ADAMTS16: variants seen among roughly 807,000 people sequenced by gnomAD.
The protein encoded by ADAMTS16 is A disintegrin and metalloproteinase with thrombospondin motifs 16.
In ADAMTS16, 94 loss-of-function variants were observed where a neutral mutation model predicts 145.8. That is an observed-to-expected ratio of 0.64 (90% CI 0.55 to 0.77). ADAMTS16 has a LOEUF of 0.77. ADAMTS16 is among the 30% of genes least tolerant of loss of function. ADAMTS16 has a pLI of 0.00. For missense variants in ADAMTS16, 1,585 were observed against 1,591.5 expected (o/e 1.00, Z 0.07); for synonymous variants, 659 against 604.3 (o/e 1.09, Z -1.33).
At chr5:5,235,613 T>G (rs1737083888) in intron 13 of ADAMTS16, among the ~76,000 whole-genome samples, 1 of 152,236 alleles carries the variant, frequency 6.6e-6, no homozygotes, top group Non-Finnish European at 1.5e-5. Flanking sequence ...GGAACAATTT[T>G]GAAGCATAGT....
intron 4 of ADAMTS16, among the ~76,000 whole-genome samples, chr5:5,183,754 C>T (rs756040541): frequency 5.3e-5 from 8 of 152,146 alleles, no homozygotes; most frequent in South Asian, 2.1e-4. Flanking sequence ...CACATCTGCG[C>T]GTGTGTGCAT....
chr5:5,200,928 G>T (rs940415764), intron 9 of ADAMTS16, among the ~76,000 whole-genome samples: 1 of 152,200 alleles, frequency 6.6e-6, no homozygotes, highest in Non-Finnish European at 1.5e-5. Flanking sequence ...AAATTTCAGA[G>T]AAATGAGGAA....
At chr5:5,193,588 G>A (rs192304655) in intron 8 of ADAMTS16, among the ~76,000 whole-genome samples, 26 of 152,312 alleles carry the variant, frequency 1.7e-4, no homozygotes, top group Non-Finnish European at 2.4e-4. Flanking sequence ...AGTGCCAGCC[G>A]TTGCAGGTGG....
At chr5:5,198,905 T>C (rs1007005905) in intron 8 of ADAMTS16, among the ~76,000 whole-genome samples, 1 of 152,180 alleles carries the variant, frequency 6.6e-6, no homozygotes, top group African/African-American at 2.4e-5. Context: ...AACCACCATG[T>C]CCTTCTTTGC....
chr5:5,156,718 G>T (rs1734613739), intron 3 of ADAMTS16, among the ~76,000 whole-genome samples: 1 of 152,148 alleles, frequency 6.6e-6, no homozygotes, highest in Non-Finnish European at 1.5e-5. Flanking sequence ...GACTCATACA[G>T]GTATAAATTA....
intron 9 of ADAMTS16, among the ~76,000 whole-genome samples, chr5:5,205,895 C>G (rs1363460186): frequency 6.6e-6 from 1 of 152,178 alleles, no homozygotes; most frequent in Non-Finnish European, 1.5e-5. Context: ...CACTCTGTGT[C>G]TTGTCTTCTC....
At chr5:5,171,956 G>A (rs554631185) in intron 3 of ADAMTS16, among the ~76,000 whole-genome samples, 1 of 151,986 alleles carries the variant, frequency 6.6e-6, no homozygotes, top group Non-Finnish European at 1.5e-5. Flanking sequence ...TTTGTTATTG[G>A]TCTGTTCAGG....
At chr5:5,304,632 C>T (rs1739951739) in intron 20 of ADAMTS16, among the ~76,000 whole-genome samples, 1 of 152,078 alleles carries the variant, frequency 6.6e-6, no homozygotes, top group Non-Finnish European at 1.5e-5. Flanking sequence ...ACGATGGCTT[C>T]TTTGTTCAGA....
chr5:5,209,492 C>T (rs1261169601), intron 10 of ADAMTS16, among the ~76,000 whole-genome samples: 1 of 152,138 alleles, frequency 6.6e-6, no homozygotes. Flanking sequence ...ATCTTTCTTT[C>T]TGATTTATCG....
chr5:5,180,494 G>A (rs556515191), intron 3 of ADAMTS16, among the ~76,000 whole-genome samples: 153 of 152,324 alleles, frequency 1.0e-3, no homozygotes, highest in African/African-American at 3.2e-3. Context: ...TAAAAAGGAA[G>A]TATAATCTTC....
intron 4 of ADAMTS16, among the ~76,000 whole-genome samples, chr5:5,183,378 G>T (rs1735396703): frequency 6.6e-6 from 1 of 152,232 alleles, no homozygotes; most frequent in South Asian, 2.1e-4. Flanking sequence ...TGACCGGCAG[G>T]TCAGGACCCA....
intron 8 of ADAMTS16, among the ~76,000 whole-genome samples, chr5:5,197,143 A>C (rs1391836187): frequency 6.6e-6 from 1 of 152,224 alleles, no homozygotes; most frequent in Non-Finnish European, 1.5e-5. Context: ...ACATTGGCCC[A>C]TGGTTCCTTT....
At chr5:5,175,364 A>G (rs1031734739) in intron 3 of ADAMTS16, among the ~76,000 whole-genome samples, 1 of 152,212 alleles carries the variant, frequency 6.6e-6, no homozygotes, top group Admixed American at 6.5e-5. Flanking sequence ...TTACTGGGGC[A>G]GAGCTGGTCT....
At chr5:5,221,878 T>C (rs781503119) in intron 10 of ADAMTS16, among the ~76,000 whole-genome samples, 31 of 152,352 alleles carry the variant, frequency 2.0e-4, no homozygotes, top group Non-Finnish European at 4.3e-4. Context: ...TTGCATTTTC[T>C]TCATGACATG....
rs953714027 is a variant in ADAMTS16 at position 5,269,563 on chromosome 5, G to A, written c.2789+6780G>A. Among the ~76,000 whole-genome samples the A allele has an allele frequency of 2.0e-5, 3 of 152,054 alleles. No homozygotes were observed. Among genetic ancestry groups the A allele is most frequent in the Non-Finnish European group, 4.4e-5 (3 of 68,008 alleles). On this transcript the variant is annotated intron_variant, in intron 18 of 22. Transcript: ENST00000274181. The surrounding 1 kb of genome is among the most constrained non-coding windows in gnomAD (Gnocchi z 4.3). ...GAAGCAATGACCAGCCCTTCCTCTTGCCAGAATCTCCCTGTGCCTCCAACC... is the reference window on the plus strand; with the variant it reads ...GAAGCAATGACCAGCCCTTCCTCTTACCAGAATCTCCCTGTGCCTCCAACC...
chr5:5,313,567 G>T (rs1252237838), intron 21 of ADAMTS16, among the ~76,000 whole-genome samples: 1 of 152,176 alleles, frequency 6.6e-6, no homozygotes, highest in Admixed American at 6.5e-5. Context: ...TCAGTGCTGG[G>T]CAGTGTGGGG....
chr5:5,303,249 T>A lies in ADAMTS16; in HGVS notation c.2790-19T>A. ...GTGATGGAGCCATCCCTCACCGAGG[T>A]CTCTTTGTCCCTGCCCAGCTGGTCC... On this transcript the variant is annotated intron_variant, in intron 18 of 22. Coordinates refer to ENST00000274181, the MANE Select transcript of ADAMTS16 (RefSeq NM_139056.4). 6.6e-7 allele frequency: 1 copy of A among 1,523,246 alleles called. No homozygotes were observed. The highest frequency in any genetic ancestry group is 8.8e-7 in the Non-Finnish European group (1 of 1,134,304). The allele number at this position is 1,523,246 out of a possible 1,614,324, so 94.4% of individuals were successfully genotyped here. A position where few individuals can be genotyped will look rare whatever the true frequency, so the allele number is the denominator to read the frequency against.
At chr5:5,175,532 G>A (rs563706317) in intron 3 of ADAMTS16, among the ~76,000 whole-genome samples, 39 of 152,250 alleles carry the variant, frequency 2.6e-4, no homozygotes, top group Non-Finnish European at 4.7e-4. Flanking sequence ...TAAGTTGCAT[G>A]CCCCCAAGTC....
chr5:5,154,662 A>G (rs748978537), intron 3 of ADAMTS16, among the ~76,000 whole-genome samples: 2 of 152,184 alleles, frequency 1.3e-5, no homozygotes, highest in Non-Finnish European at 2.9e-5. Flanking sequence ...GGTGGAATTC[A>G]GACAGGTCTA....
Sources: allele counts gnomAD v4.1 joint callset (sites outside exome capture counted in the v4.1 genomes callset), GRCh38; gene constraint gnomAD v4.1.1; non-coding constraint Gnocchi (gnomAD v3.1); transcripts MANE v1.5; gene names NCBI Gene and HGNC (gene_info 2026-07-23, HGNC 2026-07-21).